TAMM41: variants seen among roughly 807,000 people sequenced by gnomAD.
TAMM41 encodes the protein phosphatidate cytidylyltransferase, mitochondrial.
In TAMM41, 36 loss-of-function variants were observed where a neutral mutation model predicts 44.1. That is an observed-to-expected ratio of 0.82 (90% CI 0.63 to 1.08). TAMM41 has a LOEUF of 1.08. TAMM41 is among the 50% of genes least tolerant of loss of function. The probability of loss-of-function intolerance (pLI) is 0.00; values close to 1 mark genes in which losing one functional copy is unlikely to be tolerated. For synonymous variants in TAMM41, 164 were observed against 153.1 expected, an observed-to-expected ratio of 1.07 and a Z score of -0.53; for missense variants, 417 against 404.3, an observed-to-expected ratio of 1.03 and a Z score of -0.27.
At chr3:11,809,496 A>G (rs2124957927) in intron 6 of TAMM41, 21 bp downstream of exon 6, 1 of 1,611,922 alleles carries the variant, frequency 6.2e-7, no homozygotes. Flanking sequence ...CATTTCCTCA[A>G]CATCAAATTC....
chr3:11,773,527 C>T, the TAMM41 span, among the ~76,000 whole-genome samples: 14 of 152,034 alleles, frequency 9.2e-5, no homozygotes, highest in African/African-American at 2.2e-4. Context: ...AGCCCCACCC[C>T]GACATTTTCT....
At chr3:11,820,501 T>G (rs949344840) in intron 4 of TAMM41, among the ~76,000 whole-genome samples, 58 of 152,188 alleles carry the variant, frequency 3.8e-4, no homozygotes, top group African/African-American at 1.4e-3. Context: ...CGGGGCTTAT[T>G]TATGTCTGCA....
At chr3:11,793,083 A>ATG (rs199971203) in intron 7 of TAMM41, among the ~76,000 whole-genome samples, 70 of 132,668 alleles carry the variant, frequency 5.3e-4, no homozygotes, top group Non-Finnish European at 2.9e-4. Context: ...AAAAAAAAAA[A>ATG]AGAGAGTGAA....
the TAMM41 span, among the ~76,000 whole-genome samples, chr3:11,773,701 T>G: frequency 6.6e-6 from 1 of 152,250 alleles, no homozygotes; most frequent in African/African-American, 2.4e-5. Flanking sequence ...AGTATGCACA[T>G]TTAATTAAGC....
the TAMM41 span, among the ~76,000 whole-genome samples, chr3:11,760,232 C>T: frequency 6.6e-6 from 1 of 152,190 alleles, no homozygotes; most frequent in Non-Finnish European, 1.5e-5. Flanking sequence ...ACTGCCACTG[C>T]TGACATTGAC....
At chr3:11,763,297 C>T in the TAMM41 span, among the ~76,000 whole-genome samples, 1 of 152,112 alleles carries the variant, frequency 6.6e-6, no homozygotes, top group Non-Finnish European at 1.5e-5. Context: ...TGCCACCATG[C>T]CCAGTTGATT....
chr3:11,815,390 A>G (rs1225175852), intron 5 of TAMM41, among the ~76,000 whole-genome samples: 1 of 152,204 alleles, frequency 6.6e-6, no homozygotes, highest in Non-Finnish European at 1.5e-5. Context: ...AACAAGAAAC[A>G]GAAAATACCC....
the TAMM41 span, among the ~76,000 whole-genome samples, chr3:11,773,988 C>T: frequency 8.5e-5 from 13 of 152,222 alleles, no homozygotes; most frequent in South Asian, 2.7e-3. Flanking sequence ...ACTTGGGAGG[C>T]TGAGGCAGGA....
the TAMM41 span, among the ~76,000 whole-genome samples, chr3:11,731,209 A>G: frequency 6.6e-6 from 1 of 152,216 alleles, no homozygotes; most frequent in Non-Finnish European, 1.5e-5. Flanking sequence ...GATATATATA[A>G]CTAAATGACC....
At chr3:11,803,970 A>G (rs1197920973) in intron 7 of TAMM41, among the ~76,000 whole-genome samples, 2 of 152,148 alleles carry the variant, frequency 1.3e-5, no homozygotes, top group Non-Finnish European at 2.9e-5. Flanking sequence ...AAAATTACCT[A>G]TTGGGTACAA....
chr3:11,749,340 TC>T, the TAMM41 span, among the ~76,000 whole-genome samples: 4 of 151,972 alleles, frequency 2.6e-5, no homozygotes, highest in African/African-American at 9.7e-5. Context: ...GTCTCTAGAG[TC>T]CATAATCATT....
At chr3:11,731,893 G>C in the TAMM41 span, among the ~76,000 whole-genome samples, 1 of 115,632 alleles carries the variant, frequency 8.6e-6, no homozygotes, top group Non-Finnish European at 1.8e-5. Flanking sequence ...TTTTTTTTTT[G>C]AGATGGAGTC....
At chr3:11,743,666 A>G in the TAMM41 span, among the ~76,000 whole-genome samples, 9 of 152,180 alleles carry the variant, frequency 5.9e-5, no homozygotes, top group African/African-American at 2.2e-4. Flanking sequence ...TTTTCTGCTT[A>G]TATAAGTTGG....
intron 7 of TAMM41, among the ~76,000 whole-genome samples, chr3:11,803,898 T>C (rs534666763): frequency 7.2e-5 from 11 of 152,272 alleles, no homozygotes; most frequent in Non-Finnish European, 1.5e-4. Flanking sequence ...TGCATGAGCA[T>C]ACAGAATAGA....
chr3:11,726,114 C>T, the TAMM41 span, among the ~76,000 whole-genome samples: 44,515 of 152,108 alleles, frequency 0.29, 6,729 homozygotes, highest in Middle Eastern at 0.37. Flanking sequence ...TACATATAGA[C>T]ATCTACTGTT....
chr3:11,774,573 T>C, the TAMM41 span, among the ~76,000 whole-genome samples: 1 of 152,178 alleles, frequency 6.6e-6, no homozygotes, highest in African/African-American at 2.4e-5. Flanking sequence ...CTGCTCTCCC[T>C]GGGAGGTTTG....
intron 3 of TAMM41, among the ~76,000 whole-genome samples, chr3:11,832,215 C>G (rs796255990): frequency 1.5e-4 from 22 of 151,612 alleles, no homozygotes; most frequent in African/African-American, 5.3e-4. Context: ...ATAGAGTTGG[C>G]TCTTCGTATC....
chr3:11,790,649 A>T, intron 7 of TAMM41, 68 bp from the exon 8 acceptor site: 5 of 1,390,840 alleles, frequency 3.6e-6, no homozygotes, highest in Non-Finnish European at 5.1e-6. Context: ...AGTTTCAGTG[A>T]CATTCTGAGC....
At chr3:11,816,305 T>C (rs1403292318) in intron 5 of TAMM41, among the ~76,000 whole-genome samples, 2 of 151,806 alleles carry the variant, frequency 1.3e-5, no homozygotes, top group Non-Finnish European at 2.9e-5. Flanking sequence ...ATAAGAAAGT[T>C]TTATTTGATA....
Sources: gnomAD v4.1 joint callset for allele counts (sites outside exome capture counted in the v4.1 genomes callset) on GRCh38, gnomAD v4.1.1 for gene constraint, MANE v1.5 for transcripts, NCBI Gene and HGNC (gene_info 2026-07-23, HGNC 2026-07-21) for gene names.